Variants in ZMAT4 observed in about 807,000 individuals in gnomAD.
The protein encoded by ZMAT4 is zinc finger matrin-type 4, also known as zinc finger matrin-type protein 4.
ZMAT4 carries 17 observed loss-of-function variants against 28.7 expected under a neutral mutation model. That is an observed-to-expected ratio of 0.59 (90% confidence interval 0.41 to 0.89). The LOEUF is 0.89. Among genes scored for constraint, ZMAT4 ranks in the 40% least tolerant of loss-of-function variants. The pLI is 0.00. For missense variants in ZMAT4, 240 were observed against 283.8 expected (o/e 0.85, Z 1.11); for synonymous variants, 117 against 109.2 (o/e 1.07, Z -0.44).
chr8:40,813,424 A>G (rs1815407826), intron 2 of ZMAT4, among the ~76,000 whole-genome samples: 1 of 152,252 alleles, frequency 6.6e-6, no homozygotes, highest in African/African-American at 2.4e-5. Flanking sequence ...TGAGTACAGC[A>G]AAAGCTGTTT....
chr8:40,827,878 G>A (rs748389202), intron 1 of ZMAT4, among the ~76,000 whole-genome samples: 1 of 152,170 alleles, frequency 6.6e-6, no homozygotes, highest in East Asian at 1.9e-4. Context: ...CTGTCCCACC[G>A]TAGTTTTCAT....
chr8:40,583,737 G>A (rs940610747), intron 5 of ZMAT4, among the ~76,000 whole-genome samples: 1 of 152,176 alleles, frequency 6.6e-6, no homozygotes, highest in African/African-American at 2.4e-5. Context: ...CAATCAATAT[G>A]TGTAAGATGT....
chr8:40,643,435 TAGC>T (rs1349681127), intron 5 of ZMAT4, among the ~76,000 whole-genome samples: 3 of 152,176 alleles, frequency 2.0e-5, no homozygotes, highest in Non-Finnish European at 4.4e-5. Flanking sequence ...ATCCTGAAGC[TAGC>T]ATGGTGGGGA....
intron 5 of ZMAT4, among the ~76,000 whole-genome samples, chr8:40,623,171 G>A (rs535005021): frequency 7.9e-5 from 12 of 152,266 alleles, no homozygotes; most frequent in East Asian, 3.9e-4. Context: ...AAATGGCAGC[G>A]TGGATGCTAA....
intron 5 of ZMAT4, among the ~76,000 whole-genome samples, chr8:40,649,574 C>A (rs1807531899): frequency 6.6e-6 from 1 of 152,128 alleles, no homozygotes; most frequent in African/African-American, 2.4e-5. Flanking sequence ...ACCAAGCAGA[C>A]CTAATAGACA....
intron 1 of ZMAT4, among the ~76,000 whole-genome samples, chr8:40,825,996 C>A (rs778829950): frequency 6.6e-6 from 1 of 152,184 alleles, no homozygotes; most frequent in East Asian, 1.9e-4. Context: ...CCGTGGCTCA[C>A]GCCTGTAGTC....
Position 40,655,931 on chromosome 8 carries a change from C to T in ZMAT4, c.577+18773G>A, listed in dbSNP as rs541940164. Among the ~76,000 whole-genome samples the T allele has an allele frequency of 3.2e-3, 493 of 152,018 alleles. 2 individuals are homozygous for T. Among genetic ancestry groups the T allele is most frequent in the African/African-American group, 0.011 (470 of 41,514 alleles). ...CAATGTGATAAAAAAATGCAAACAA[C>T]AACAACAGAAAATATATAGAAATGG... On this transcript the variant is annotated intron_variant, in intron 5 of 6. Coordinates refer to ENST00000297737, the MANE Select transcript of ZMAT4 (RefSeq NM_024645.3).
At chr8:40,753,744 G>A (rs1308127031) in intron 3 of ZMAT4, among the ~76,000 whole-genome samples, 1 of 152,190 alleles carries the variant, frequency 6.6e-6, no homozygotes, top group African/African-American at 2.4e-5. Context: ...AATCTTGGCT[G>A]TATCACCTAC....
At chr8:40,801,012 C>G (rs1261756687) in intron 2 of ZMAT4, among the ~76,000 whole-genome samples, 1 of 151,802 alleles carries the variant, frequency 6.6e-6, no homozygotes, top group African/African-American at 2.4e-5. Flanking sequence ...ACACAAATTA[C>G]TAATATCAGA....
intron 6 of ZMAT4, among the ~76,000 whole-genome samples, chr8:40,539,098 T>C (rs1275674146): frequency 6.6e-6 from 1 of 152,206 alleles, no homozygotes; most frequent in Non-Finnish European, 1.5e-5. Context: ...ATTGCATTTT[T>C]CTAAGTGCTT....
At chr8:40,687,223 T>C (rs1353543311) in intron 4 of ZMAT4, among the ~76,000 whole-genome samples, 1 of 152,222 alleles carries the variant, frequency 6.6e-6, no homozygotes, top group African/African-American at 2.4e-5. Context: ...TACAACTTAA[T>C]GACACTTGAG....
chr8:40,591,040 C>T (rs1804876385), intron 5 of ZMAT4, among the ~76,000 whole-genome samples: 1 of 152,070 alleles, frequency 6.6e-6, no homozygotes, highest in Admixed American at 6.6e-5. Context: ...CTATTAGCCT[C>T]ATCTGTTTGT....
intron 3 of ZMAT4, among the ~76,000 whole-genome samples, chr8:40,732,064 A>G (rs1439876808): frequency 6.6e-6 from 1 of 151,978 alleles, no homozygotes; most frequent in Non-Finnish European, 1.5e-5. Flanking sequence ...GGCTGGGAGG[A>G]GGGGAATCAG....
At chr8:40,737,622 G>A (rs1198786404) in intron 3 of ZMAT4, among the ~76,000 whole-genome samples, 1 of 152,214 alleles carries the variant, frequency 6.6e-6, no homozygotes, top group Non-Finnish European at 1.5e-5. Context: ...CAATGTTTCA[G>A]AGGTGCCCGT....
At chr8:40,538,090 C>G (rs980086129) in intron 6 of ZMAT4, among the ~76,000 whole-genome samples, 1 of 152,156 alleles carries the variant, frequency 6.6e-6, no homozygotes, top group African/African-American at 2.4e-5. Context: ...AAATAGGAGT[C>G]GGACTTGCCT....
At chr8:40,710,095 T>C (rs1810539996) in intron 3 of ZMAT4, among the ~76,000 whole-genome samples, 1 of 149,620 alleles carries the variant, frequency 6.7e-6, no homozygotes, top group Non-Finnish European at 1.5e-5. Context: ...CATATAGATA[T>C]ATAAATAGAT....
chr8:40,873,750 T>A, intron 1 of ZMAT4, among the ~76,000 whole-genome samples: 1 of 152,076 alleles, frequency 6.6e-6, no homozygotes, highest in East Asian at 1.9e-4. Context: ...CTTAAAATGG[T>A]TTCACTTCAT....
chr8:40,636,229 G>GT (rs1806787413), intron 5 of ZMAT4, among the ~76,000 whole-genome samples: 1 of 152,214 alleles, frequency 6.6e-6, no homozygotes, highest in South Asian at 2.1e-4. Flanking sequence ...CACACACAGT[G>GT]TGCAGCCCTT....
chr8:40,881,534 GAAAGAAAGAAAGA>G (rs1818249777), intron 1 of ZMAT4, among the ~76,000 whole-genome samples: 2 of 27,094 alleles, frequency 7.4e-5, no homozygotes, highest in Non-Finnish European at 1.4e-4. Flanking sequence ...GAGACAGAAA[GAAAGAAAGAAAGA>G]AAGAAAGAAA....
Sources: allele counts gnomAD v4.1 joint callset (sites outside exome capture counted in the v4.1 genomes callset), GRCh38; gene constraint gnomAD v4.1.1; transcripts MANE v1.5; gene names NCBI Gene and HGNC (gene_info 2026-07-23, HGNC 2026-07-21).